Variants in FBXL17 observed in about 807,000 individuals in gnomAD.
The protein encoded by FBXL17 is F-box/LRR-repeat protein 17.
A neutral mutation model predicts 66.2 loss-of-function variants in FBXL17; 22 were observed. That is an observed-to-expected ratio of 0.33 (90% CI 0.24 to 0.47). The LOEUF (loss-of-function observed/expected upper bound fraction) is 0.47. Ranked by LOEUF, FBXL17 falls within the 20% of genes least tolerant of loss-of-function variation. The pLI is 1.00. For missense variants in FBXL17, 878 were observed against 948.2 expected, an observed-to-expected ratio of 0.93 and a Z score of 0.97; for synonymous variants, 474 against 400.5, an observed-to-expected ratio of 1.18 and a Z score of -2.19.
Position 108,381,713 on chromosome 5 carries a change from G to A in FBXL17, c.-22C>T. 3 of 1,433,756 alleles carry A rather than the reference G, an allele frequency of 2.1e-6. No homozygotes were observed. Among genetic ancestry groups the A allele is most frequent in the Non-Finnish European group, 2.7e-6 (3 of 1,099,866 alleles). 88.8% of individuals were successfully genotyped at this position (1,433,756 alleles called of 1,614,324 possible). A position where few individuals can be genotyped will look rare whatever the true frequency, so the allele number is the denominator to read the frequency against. ...CCATATAGAAGGCCCCGAGGAGGGG[G>A]ACCGGGACGGGAGGGAGGGAGACCC... On this transcript the variant is annotated 5_prime_UTR_variant, in exon 1 of 9. Coordinates refer to ENST00000542267, the MANE Select transcript of FBXL17 (RefSeq NM_001163315.3).
intron 8 of FBXL17, 121 bp downstream of exon 8, chr5:107,880,916 T>C: frequency 6.8e-7 from 1 of 1,477,352 alleles, no homozygotes; most frequent in Non-Finnish European, 9.0e-7. Flanking sequence ...TATATACATA[T>C]AAAATGTATA....
At chr5:108,143,698 A>G (rs527710775) in intron 6 of FBXL17, among the ~76,000 whole-genome samples, 2 of 144,722 alleles carry the variant, frequency 1.4e-5, no homozygotes, top group South Asian at 4.5e-4. Context: ...TATATTCTTC[A>G]TACTTGTGAA....
At chr5:108,338,734 T>C (rs967404707) in intron 4 of FBXL17, among the ~76,000 whole-genome samples, 2 of 54,654 alleles carry the variant, frequency 3.7e-5, no homozygotes, top group Non-Finnish European at 7.1e-5. Flanking sequence ...CTGGATGATA[T>C]AGTCAACAAC....
chr5:108,111,972 G>A (rs1159244928), intron 6 of FBXL17, among the ~76,000 whole-genome samples: 1 of 152,124 alleles, frequency 6.6e-6, no homozygotes, highest in Non-Finnish European at 1.5e-5. Context: ...GACAAATGAG[G>A]ACAGCCATAT....
chr5:107,956,467 C>T (rs1751669132), intron 7 of FBXL17, among the ~76,000 whole-genome samples: 1 of 152,166 alleles, frequency 6.6e-6, no homozygotes, highest in Non-Finnish European at 1.5e-5. Flanking sequence ...GATCAGAGTT[C>T]AGATACACCA....
chr5:108,069,436 T>A lies in FBXL17; in HGVS notation c.1746-48435A>T, dbSNP rs370419625. 1.1e-3 allele frequency among the ~76,000 whole-genome samples: 166 copies of A among 152,344 alleles called. 1 individual carries two copies. The highest frequency in any genetic ancestry group is 3.4e-3 in the Middle Eastern group (1 of 294). On this transcript the variant is annotated intron_variant, in intron 6 of 8. Coordinates refer to ENST00000542267, the MANE Select transcript of FBXL17 (RefSeq NM_001163315.3). ...GAATATGAGTGCTATCTATGTGCAA[T>A]GAAACAATAAGGAACAATCATTTTT...
intron 7 of FBXL17, among the ~76,000 whole-genome samples, chr5:107,901,736 C>T (rs898997652): frequency 1.3e-5 from 2 of 152,086 alleles, no homozygotes; most frequent in African/African-American, 4.8e-5. Flanking sequence ...GTACATTGTT[C>T]GGTTTCTTTT....
chr5:108,098,223 ACAG>A (rs2149937449), intron 6 of FBXL17, among the ~76,000 whole-genome samples: 2 of 152,298 alleles, frequency 1.3e-5, no homozygotes, highest in Admixed American at 1.3e-4. Flanking sequence ...TCTATCTGCA[ACAG>A]TCTATGAATC....
intron 7 of FBXL17, among the ~76,000 whole-genome samples, chr5:107,958,285 C>T (rs997549135): frequency 6.6e-6 from 1 of 151,988 alleles, no homozygotes; most frequent in Non-Finnish European, 1.5e-5. Flanking sequence ...GTTTAAATAT[C>T]TCTTTTCCCT....
At chr5:108,125,929 C>T (rs1367351769) in intron 6 of FBXL17, among the ~76,000 whole-genome samples, 7 of 152,052 alleles carry the variant, frequency 4.6e-5, no homozygotes, top group Admixed American at 4.6e-4. Context: ...TGAAACATAA[C>T]ACCTGTATAT....
chr5:108,139,475 C>A (rs916716426), intron 6 of FBXL17, among the ~76,000 whole-genome samples: 2 of 152,152 alleles, frequency 1.3e-5, no homozygotes, highest in Admixed American at 1.3e-4. Context: ...GGAGGAAATA[C>A]AACAATCATG....
At chr5:108,013,446 C>A (rs1754260688) in intron 7 of FBXL17, among the ~76,000 whole-genome samples, 1 of 152,186 alleles carries the variant, frequency 6.6e-6, no homozygotes, top group African/African-American at 2.4e-5. Flanking sequence ...TTGCTCTGAG[C>A]CTTTCCAAGG....
intron 4 of FBXL17, among the ~76,000 whole-genome samples, chr5:108,236,142 C>T (rs1755591468): frequency 6.6e-6 from 1 of 151,910 alleles, no homozygotes; most frequent in African/African-American, 2.4e-5. Context: ...GCCCAGAGGT[C>T]GAGGCTGCAG....
At chr5:108,355,976 T>C (rs1265264294) in intron 3 of FBXL17, among the ~76,000 whole-genome samples, 4 of 152,196 alleles carry the variant, frequency 2.6e-5, no homozygotes, top group South Asian at 2.1e-4. Flanking sequence ...CAACTCTATG[T>C]TGTCTACAAG....
At position 108,380,824 on chromosome 5, in the gene FBXL17, G is replaced by A; in HGVS notation, c.868C>T (p.Gln290Ter). The A allele has an allele frequency of 1.6e-6, 2 of 1,247,946 alleles. No individual in the cohort carries two copies. Among genetic ancestry groups the A allele is most frequent in the Non-Finnish European group, 2.0e-6 (2 of 988,200 alleles). The allele number at this position is 1,247,946 out of a possible 1,614,324, so 77.3% of individuals were successfully genotyped here. The change falls in exon 1 of 9, where the codon CAG becomes TAG. Residue 290 changes from glutamine (Q) to a stop codon, truncating the protein, a stop_gained. Coordinates refer to ENST00000542267, the MANE Select transcript of FBXL17 (RefSeq NM_001163315.3). LOFTEE classifies it high-confidence loss of function. ...RAGGTAPLSA[Q>*]QQHECGDADC... ...GCGTCGCCACATTCATGCTGCTGCT[G>A]GGCGGACAAGGGGGCGGTGCCCCCG...
In FBXL17 at chr5:108,381,502, T is replaced by G; in HGVS notation, c.190A>C (p.Ile64Leu). Residue 64 changes from isoleucine to leucine, a missense_variant, in exon 1 of 9, where the codon ATC becomes CTC. By Grantham distance (5) the Ile-to-Leu change is conservative. Transcript: ENST00000542267. The stretch of plus-strand genomic sequence containing the variant: ...GCGGGCGCGCCGGGACTGTGCACGA[T>G]GAAGCAGAGCATGCAGGGCCCGCGG... ...FFRGPCMLCF[I>L]VHSPGAPAPA... 7.2e-7 allele frequency: 1 copy of G among 1,396,222 alleles called. No individual in the cohort carries two copies. Among genetic ancestry groups the G allele is most frequent in the Non-Finnish European group, 9.2e-7 (1 of 1,085,942 alleles). The allele number at this position is 1,396,222 out of a possible 1,614,324, so 86.5% of individuals were successfully genotyped here.
At chr5:108,151,067 T>C (rs541011761) in intron 6 of FBXL17, among the ~76,000 whole-genome samples, 4 of 152,316 alleles carry the variant, frequency 2.6e-5, no homozygotes, top group African/African-American at 9.6e-5. Context: ...ATAGGTTCTT[T>C]CGTGAGGCCT....
chr5:107,998,684 A>C (rs1396327263), intron 7 of FBXL17, among the ~76,000 whole-genome samples: 1 of 152,042 alleles, frequency 6.6e-6, no homozygotes, highest in Admixed American at 6.6e-5. Context: ...AAAAGCAAAA[A>C]CCCGAGAAAC....
chr5:108,269,088 T>C (rs1236531856), intron 4 of FBXL17, among the ~76,000 whole-genome samples: 2 of 152,064 alleles, frequency 1.3e-5, no homozygotes, highest in Non-Finnish European at 2.9e-5. Flanking sequence ...ATAAGGTTGT[T>C]TGTACAAATT....
Sources: allele counts gnomAD v4.1 joint callset (sites outside exome capture counted in the v4.1 genomes callset), GRCh38; gene constraint gnomAD v4.1.1; transcripts MANE v1.5; gene names NCBI Gene and HGNC (gene_info 2026-07-23, HGNC 2026-07-21).